Variants in SYNDIG1 observed in about 807,000 individuals in gnomAD.
SYNDIG1 encodes the protein synapse differentiation-inducing gene protein 1.
In SYNDIG1, 9 loss-of-function variants were observed where a neutral mutation model predicts 19.4. The observed-to-expected ratio is 0.46, with a 90% CI of 0.28 to 0.81. The LOEUF (loss-of-function observed/expected upper bound fraction) is 0.81, where lower values mean the gene tolerates loss of function less well. Ranked by LOEUF, SYNDIG1 falls within the 30% of genes least tolerant of loss-of-function variation. The probability of loss-of-function intolerance (pLI) is 0.12; values close to 1 mark genes in which losing one functional copy is unlikely to be tolerated. For synonymous variants in SYNDIG1, 141 were observed against 145.9 expected (o/e 0.97, Z 0.24); for missense variants, 311 against 343.3 (o/e 0.91, Z 0.74).
intron 1 of SYNDIG1, among the ~76,000 whole-genome samples, chr20:24,542,170 A>T (rs1820764973): frequency 8.4e-6 from 1 of 118,776 alleles, no homozygotes; most frequent in African/African-American, 3.4e-5. Flanking sequence ...AATTGAAAAA[A>T]TTCACTTCAA....
chr20:24,504,317 C>G (rs1303360628), intron 1 of SYNDIG1, among the ~76,000 whole-genome samples: 1 of 152,150 alleles, frequency 6.6e-6, no homozygotes, highest in Non-Finnish European at 1.5e-5. Flanking sequence ...TGGCTTGTTT[C>G]ACTGCAGTGT....
chr20:24,546,494 C>T (rs2057579413), intron 2 of SYNDIG1, among the ~76,000 whole-genome samples: 1 of 152,200 alleles, frequency 6.6e-6, no homozygotes, highest in Non-Finnish European at 1.5e-5. Context: ...GGAAGCCAGC[C>T]TCTGGTGGGC....
At chr20:24,586,571 G>T (rs1249403709) in intron 3 of SYNDIG1, among the ~76,000 whole-genome samples, 1 of 152,240 alleles carries the variant, frequency 6.6e-6, no homozygotes, top group East Asian at 1.9e-4. Flanking sequence ...ATAGACAAGA[G>T]CAGTCTTGCA....
At chr20:24,605,286 A>G (rs907059655) in intron 3 of SYNDIG1, among the ~76,000 whole-genome samples, 1 of 152,246 alleles carries the variant, frequency 6.6e-6, no homozygotes, top group Non-Finnish European at 1.5e-5. Flanking sequence ...AGATACAAGC[A>G]TAACATTGAC....
At chr20:24,487,567 G>A (rs959278185) in intron 1 of SYNDIG1, among the ~76,000 whole-genome samples, 1 of 152,162 alleles carries the variant, frequency 6.6e-6, no homozygotes, top group African/African-American at 2.4e-5. Flanking sequence ...TTCATGCAGT[G>A]GGACTAAAGA....
intron 2 of SYNDIG1, among the ~76,000 whole-genome samples, chr20:24,558,203 ATAAAACAATT>A (rs955349939): frequency 2.6e-5 from 4 of 152,218 alleles, no homozygotes; most frequent in Non-Finnish European, 5.9e-5. Context: ...AGGAACTCAG[ATAAAACAATT>A]TTAAGTTTCA....
At chr20:24,572,793 G>T (rs904754166) in intron 2 of SYNDIG1, among the ~76,000 whole-genome samples, 1 of 152,202 alleles carries the variant, frequency 6.6e-6, no homozygotes, top group East Asian at 1.9e-4. Context: ...TTTTTGAAAA[G>T]ATGAAACTGT....
At chr20:24,590,245 C>G (rs2058485592) in intron 3 of SYNDIG1, among the ~76,000 whole-genome samples, 2 of 149,816 alleles carry the variant, frequency 1.3e-5, no homozygotes, top group East Asian at 4.0e-4. Flanking sequence ...TGCCGAGGCC[C>G]TGGGGGGAGC....
chr20:24,608,609 G>T (rs750612209), intron 3 of SYNDIG1, among the ~76,000 whole-genome samples: 1 of 152,200 alleles, frequency 6.6e-6, no homozygotes, highest in African/African-American at 2.4e-5. Context: ...AGATGCTTGG[G>T]AGGAATACAC....
chr20:24,635,378 T>C (rs779996846), intron 3 of SYNDIG1, among the ~76,000 whole-genome samples: 1 of 152,198 alleles, frequency 6.6e-6, no homozygotes, highest in Non-Finnish European at 1.5e-5. Context: ...TTTTATAACT[T>C]TCTGCCTTTC....
intron 1 of SYNDIG1, among the ~76,000 whole-genome samples, chr20:24,506,775 G>T (rs1344074290): frequency 6.6e-6 from 1 of 152,158 alleles, no homozygotes; most frequent in Non-Finnish European, 1.5e-5. Flanking sequence ...TGTTATTGTG[G>T]TCCCAGGCAG....
chr20:24,573,521 C>T (rs2058178148), intron 2 of SYNDIG1, among the ~76,000 whole-genome samples: 1 of 152,148 alleles, frequency 6.6e-6, no homozygotes, highest in Non-Finnish European at 1.5e-5. Context: ...TAAAAACATA[C>T]GAGAATGAAA....
At chr20:24,475,863 CTT>C (rs796790374) in intron 1 of SYNDIG1, among the ~76,000 whole-genome samples, 9 of 144,316 alleles carry the variant, frequency 6.2e-5, no homozygotes, top group African/African-American at 5.1e-5. Flanking sequence ...TGCATAGTAT[CTT>C]TTTTTTTTTT....
At chr20:24,488,428 C>T (rs994504772) in intron 1 of SYNDIG1, among the ~76,000 whole-genome samples, 3 of 152,260 alleles carry the variant, frequency 2.0e-5, no homozygotes, top group African/African-American at 7.2e-5. Flanking sequence ...GTTTGTAACT[C>T]ACTGTAGCTC....
At chr20:24,557,768 C>G (rs1049612228) in intron 2 of SYNDIG1, among the ~76,000 whole-genome samples, 1 of 152,122 alleles carries the variant, frequency 6.6e-6, no homozygotes, top group East Asian at 1.9e-4. Context: ...CAGGGACCCA[C>G]TTGAGGAGTC....
chr20:24,519,839 G>GCACACA (rs148158255), intron 1 of SYNDIG1, among the ~76,000 whole-genome samples: 4 of 148,122 alleles, frequency 2.7e-5, no homozygotes, highest in Admixed American at 2.0e-4. Flanking sequence ...ACGCGCACAT[G>GCACACA]CACACACACA....
At chr20:24,603,515 T>A (rs1374213338) in intron 3 of SYNDIG1, among the ~76,000 whole-genome samples, 1 of 152,002 alleles carries the variant, frequency 6.6e-6, no homozygotes, top group East Asian at 1.9e-4. Context: ...GTGCCCTGAG[T>A]GGGACACTGC....
chr20:24,619,881 G>A (rs2059012521), intron 3 of SYNDIG1, among the ~76,000 whole-genome samples: 1 of 152,210 alleles, frequency 6.6e-6, no homozygotes, highest in Non-Finnish European at 1.5e-5. Flanking sequence ...GAGAAAGGGT[G>A]ATGCAGAGGC....
In SYNDIG1 at chr20:24,620,441, C is replaced by A. The variant is rs148058237; in HGVS notation, c.618+35448C>A. ...GCTGTTTGCAGGGACTTTAAACAAG[C>A]CATCCATAGGAGGCCCATCTCATTG... On this transcript the variant is annotated intron_variant, in intron 3 of 3. Transcript: ENST00000376862. Among the ~76,000 whole-genome samples the A allele has an allele frequency of 1.9e-4, 29 of 152,328 alleles. No homozygotes were observed. In the East Asian group the frequency reaches 5.2e-3, roughly 27 times the overall value.
Sources: allele counts gnomAD v4.1 joint callset (sites outside exome capture counted in the v4.1 genomes callset), GRCh38; gene constraint gnomAD v4.1.1; transcripts MANE v1.5; gene names NCBI Gene and HGNC (gene_info 2026-07-23, HGNC 2026-07-21).